Variants in ADGRL3 observed in about 807,000 individuals in gnomAD.
ADGRL3 encodes calcium-independent alpha-latrotoxin receptor 3.
In ADGRL3, 62 loss-of-function variants were observed where a neutral mutation model predicts 153.5. The observed-to-expected ratio is 0.40, with a 90% CI of 0.33 to 0.50. The LOEUF (loss-of-function observed/expected upper bound fraction) is 0.50. Among genes scored for constraint, ADGRL3 ranks in the 20% least tolerant of loss-of-function variants. The probability of loss-of-function intolerance (pLI) is 0.47; values close to 1 mark genes in which losing one functional copy is unlikely to be tolerated. For missense variants in ADGRL3, 1,641 were observed against 1,859.4 expected (o/e 0.88, Z 2.16); for synonymous variants, 710 against 672.5 (o/e 1.06, Z -0.86).
chr4:61,225,052 C>G (rs1747314743), intron 1 of ADGRL3, among the ~76,000 whole-genome samples: 1 of 152,182 alleles, frequency 6.6e-6, no homozygotes, highest in African/African-American at 2.4e-5. Context: ...CTTCTCACTT[C>G]TAAACCAGGA....
chr4:61,483,605 C>A (rs375514938), intron 2 of ADGRL3, among the ~76,000 whole-genome samples: 3 of 151,768 alleles, frequency 2.0e-5, no homozygotes, highest in African/African-American at 7.3e-5. Flanking sequence ...GGCATGGTGG[C>A]GCATGCCTGT....
chr4:61,950,769 A>G (rs543056856), intron 17 of ADGRL3, among the ~76,000 whole-genome samples: 3 of 152,304 alleles, frequency 2.0e-5, no homozygotes, highest in East Asian at 1.9e-4. Context: ...TTGGTGAGTG[A>G]CAGGCGATGC....
At chr4:61,427,996 G>A (rs1291584856) in intron 2 of ADGRL3, 1 of 153,004 alleles carries the variant, frequency 6.5e-6, no homozygotes, top group East Asian at 1.9e-4. Context: ...GGGCCCATCT[G>A]AGCAGGAAGG....
At chr4:61,354,725 C>A (rs2151385116) in intron 1 of ADGRL3, among the ~76,000 whole-genome samples, 1 of 152,142 alleles carries the variant, frequency 6.6e-6, no homozygotes, top group South Asian at 2.1e-4. Flanking sequence ...GAGGCCAGGA[C>A]AGTGGGTTCT....
intron 13 of ADGRL3, among the ~76,000 whole-genome samples, chr4:61,926,052 C>T (rs1311648891): frequency 6.6e-6 from 1 of 152,118 alleles, no homozygotes; most frequent in Non-Finnish European, 1.5e-5. Context: ...AGGCAACAGA[C>T]CTGTACAGCA....
intron 6 of ADGRL3, among the ~76,000 whole-genome samples, chr4:61,687,613 A>T (rs967055132): frequency 4.5e-4 from 69 of 152,084 alleles, no homozygotes; most frequent in African/African-American, 1.5e-3. Flanking sequence ...ATTTATGAAT[A>T]TATTAAACCC....
At chr4:61,355,429 C>G (rs1036552502) in intron 1 of ADGRL3, among the ~76,000 whole-genome samples, 3 of 151,988 alleles carry the variant, frequency 2.0e-5, no homozygotes, top group African/African-American at 7.2e-5. Context: ...GCATTATTCA[C>G]TTCACGGAGA....
Position 61,409,245 on chromosome 4 carries a change from C to T in ADGRL3, c.-174+26056C>T, listed in dbSNP as rs7660930. On this transcript the variant is annotated intron_variant, in intron 2 of 26. Transcript: ENST00000683033. ...ATATATATTATATATATTAGACATA[C>T]ATAATATATATTATATATTAGACAT... is the stretch of plus-strand genomic sequence containing the variant. Among the ~76,000 whole-genome samples the T allele has an allele frequency of 7.9e-3, 1,111 of 141,196 alleles. 23 individuals carry two copies. Among genetic ancestry groups the T allele is most frequent in the African/African-American group, 0.027 (1,049 of 38,824 alleles). The allele number at this position is 141,196 out of a possible 152,430, so 92.6% of individuals were successfully genotyped here. A position where few individuals can be genotyped will look rare whatever the true frequency, so the allele number is the denominator to read the frequency against.
At chr4:61,393,025 C>A (rs1039896349) in intron 2 of ADGRL3, among the ~76,000 whole-genome samples, 5 of 151,952 alleles carry the variant, frequency 3.3e-5, no homozygotes, top group Non-Finnish European at 7.4e-5. Context: ...TTAGGAAGAA[C>A]CCTGGATAAG....
chr4:61,368,660 T>C (rs1483714120), intron 1 of ADGRL3, among the ~76,000 whole-genome samples: 1 of 151,992 alleles, frequency 6.6e-6, no homozygotes, highest in African/African-American at 2.4e-5. Flanking sequence ...AGTCAGGTAG[T>C]GTGATGCCTC....
chr4:61,847,236 G>A (rs374563849), intron 9 of ADGRL3, among the ~76,000 whole-genome samples: 6 of 151,706 alleles, frequency 4.0e-5, no homozygotes, highest in African/African-American at 9.7e-5. Context: ...ATTTTTGTAC[G>A]TATTCATGAT....
intron 21 of ADGRL3, among the ~76,000 whole-genome samples, chr4:62,017,237 A>G (rs2099216358): frequency 6.6e-6 from 1 of 152,054 alleles, no homozygotes; most frequent in African/African-American, 2.4e-5. Flanking sequence ...AGGATAACCT[A>G]CATCCTTACT....
chr4:61,298,150 G>A (rs1477073797), intron 1 of ADGRL3, among the ~76,000 whole-genome samples: 2 of 152,032 alleles, frequency 1.3e-5, no homozygotes, highest in Admixed American at 6.5e-5. Context: ...AATTGAGTAT[G>A]TTTTAATTAT....
At chr4:61,463,979 A>G (rs947468103) in intron 2 of ADGRL3, among the ~76,000 whole-genome samples, 1 of 152,200 alleles carries the variant, frequency 6.6e-6, no homozygotes, top group Non-Finnish European at 1.5e-5. Flanking sequence ...GCAGGGCTCA[A>G]CAGACATTCC....
intron 4 of ADGRL3, among the ~76,000 whole-genome samples, chr4:61,560,461 T>G (rs570976963): frequency 6.6e-6 from 1 of 152,072 alleles, no homozygotes; most frequent in African/African-American, 2.4e-5. Flanking sequence ...AAGTACAAAT[T>G]AATGAGTCTT....
chr4:61,494,864 T>G (rs2098296433), intron 2 of ADGRL3, among the ~76,000 whole-genome samples: 1 of 152,166 alleles, frequency 6.6e-6, no homozygotes, highest in Non-Finnish European at 1.5e-5. Flanking sequence ...ATTTTTTAGT[T>G]AAATTATCAA....
At chr4:61,380,876 T>C (rs1408425923) in intron 1 of ADGRL3, among the ~76,000 whole-genome samples, 2 of 152,030 alleles carry the variant, frequency 1.3e-5, no homozygotes, top group African/African-American at 2.4e-5. Context: ...CAAAAGAAAT[T>C]CAGTCGTATT....
intron 1 of ADGRL3, among the ~76,000 whole-genome samples, chr4:61,244,394 A>C (rs1454309757): frequency 6.6e-6 from 1 of 152,060 alleles, no homozygotes; most frequent in Non-Finnish European, 1.5e-5. Flanking sequence ...TTCTTTCTCC[A>C]TAAGGCCTAA....
At chr4:61,339,193 T>A (rs144887397) in intron 1 of ADGRL3, among the ~76,000 whole-genome samples, 1 of 152,294 alleles carries the variant, frequency 6.6e-6, no homozygotes, top group African/African-American at 2.4e-5. Flanking sequence ...ATAAGAGTAG[T>A]CCTATTAGGT....
Sources: gnomAD v4.1 joint callset for allele counts (sites outside exome capture counted in the v4.1 genomes callset) on GRCh38, gnomAD v4.1.1 for gene constraint, MANE v1.5 for transcripts, NCBI Gene and HGNC (gene_info 2026-07-23, HGNC 2026-07-21) for gene names.